Variants in DAB2IP observed in about 807,000 individuals in gnomAD.
The protein encoded by DAB2IP is disabled homolog 2-interacting protein.
Under a neutral mutation model 107.2 loss-of-function variants are expected in DAB2IP, and 28 were observed. The ratio of observed to expected loss-of-function variants is 0.26; its 90% CI spans 0.19 to 0.36. DAB2IP has a LOEUF of 0.36. Ranked by LOEUF, DAB2IP falls within the 10% of genes least tolerant of loss-of-function variation. The pLI is 1.00. For synonymous variants in DAB2IP, 755 were observed against 706.4 expected, an observed-to-expected ratio of 1.07 and a Z score of -1.09; for missense variants, 1,400 against 1,644.7, an observed-to-expected ratio of 0.85 and a Z score of 2.57.
At chr9:121,654,830 C>G (rs1832909137) in intron 1 of DAB2IP, among the ~76,000 whole-genome samples, 1 of 152,224 alleles carries the variant, frequency 6.6e-6, no homozygotes, top group Non-Finnish European at 1.5e-5. Flanking sequence ...CTCTTGCCCC[C>G]ACACCCTTTC....
chr9:121,707,336 GC>G (rs1330058688), intron 3 of DAB2IP, among the ~76,000 whole-genome samples: 1 of 152,230 alleles, frequency 6.6e-6, no homozygotes, highest in South Asian at 2.1e-4. Flanking sequence ...CCCTTCTGCC[GC>G]CCCCCTCAGT....
At chr9:121,576,452 C>T (rs1830059262) in intron 1 of DAB2IP, among the ~76,000 whole-genome samples, 1 of 151,356 alleles carries the variant, frequency 6.6e-6, no homozygotes. Context: ...GTCAATCCTG[C>T]CCATCCTGAA....
intron 1 of DAB2IP, among the ~76,000 whole-genome samples, chr9:121,671,168 AC>A (rs1384386502): frequency 6.6e-6 from 1 of 151,608 alleles, no homozygotes; most frequent in Non-Finnish European, 1.5e-5. Context: ...AAAAAACAAA[AC>A]AAAACAAAGA....
intron 1 of DAB2IP, among the ~76,000 whole-genome samples, chr9:121,576,876 G>A (rs540540240): frequency 7.9e-5 from 12 of 152,244 alleles, no homozygotes; most frequent in African/African-American, 2.9e-4. Flanking sequence ...GATTCCAGAA[G>A]GGAGGGAGGG....
intron 3 of DAB2IP, among the ~76,000 whole-genome samples, chr9:121,722,871 A>G (rs530529145): frequency 1.3e-5 from 2 of 152,184 alleles, no homozygotes; most frequent in South Asian, 4.1e-4. Context: ...ACTATAAAGC[A>G]AAAAGTAACA....
rs553697093 is a variant in DAB2IP, at chr9:121,634,200, A to G, written c.41-44478A>G. On this transcript the variant is annotated intron_variant, in intron 1 of 16. Coordinates refer to the DAB2IP transcript ENST00000259371. The surrounding 1 kb of genome is among the most constrained non-coding windows in gnomAD (Gnocchi z 4.7). ...TGCCAACTCCTAGGAAGGGTCCCCT[A>G]TGCACCCCGGGGTAGGAGCTGAATG... is the stretch of plus-strand genomic sequence containing the variant. Among the ~76,000 whole-genome samples, 33 of 152,158 alleles carry G rather than the reference A, an allele frequency of 2.2e-4. No homozygotes were observed. The South Asian group carries it at 3.3e-3, about 15-fold the overall frequency.
In DAB2IP at chr9:121,715,331, C is replaced by T. The variant is rs1009717912; in HGVS notation, c.362+15873C>T. 4.0e-5 allele frequency among the ~76,000 whole-genome samples: 6 copies of T among 150,664 alleles called. No individual in the cohort carries two copies. In the East Asian group the frequency reaches 1.2e-3, roughly 29 times the overall value. On this transcript the variant is annotated intron_variant, in intron 3 of 15. Transcript: ENST00000408936. ...ATGACAGCGTGACTTGGGTAGTTTTCTTTTTCTTTTTCTTTCTTTCTTTTT... is the reference window on the plus strand; with the variant it reads ...ATGACAGCGTGACTTGGGTAGTTTTTTTTTTCTTTTTCTTTCTTTCTTTTT...
At chr9:121,762,906 G>C (rs1284983521) in intron 6 of DAB2IP, among the ~76,000 whole-genome samples, 1 of 152,190 alleles carries the variant, frequency 6.6e-6, no homozygotes, top group Non-Finnish European at 1.5e-5. Flanking sequence ...ACCCTGGATT[G>C]CCAGGTGGGC....
chr9:121,689,107 A>G (rs192031995), intron 2 of DAB2IP, among the ~76,000 whole-genome samples: 7 of 152,314 alleles, frequency 4.6e-5, no homozygotes, highest in Admixed American at 2.6e-4. Flanking sequence ...AGCATGGTCA[A>G]CATGGTGAAA....
chr9:121,616,740 G>GCCCTGGCCCGA (rs1375642578), intron 1 of DAB2IP, among the ~76,000 whole-genome samples: 2 of 152,218 alleles, frequency 1.3e-5, no homozygotes, highest in Admixed American at 6.5e-5. Context: ...CTGAGTACCG[G>GCCCTGGCCCGA]CCCTGGCCCG....
chr9:121,690,857 G>A (rs1490100893), intron 2 of DAB2IP, among the ~76,000 whole-genome samples: 1 of 152,136 alleles, frequency 6.6e-6, no homozygotes, highest in Non-Finnish European at 1.5e-5. Context: ...GAGGCTGGAG[G>A]GACCTGTGAT....
intron 1 of DAB2IP, among the ~76,000 whole-genome samples, chr9:121,660,995 G>C (rs965879961): frequency 6.6e-6 from 1 of 152,128 alleles, no homozygotes; most frequent in Non-Finnish European, 1.5e-5. Context: ...CGTCCTTACA[G>C]CGAGAGGAGT....
chr9:121,776,835 T>G lies in DAB2IP; in HGVS notation c.3314+444T>G, dbSNP rs563740281. On this transcript the variant is annotated intron_variant, in intron 14 of 15. Transcript: ENST00000408936. The surrounding 1 kb of genome is among the most constrained non-coding windows in gnomAD (Gnocchi z 5.4). ...GTAGCCCCCAGATTCCTACCAAGAG[T>G]GTCTGGGTGTGGGCGTATCAGGGTA... 2.1e-4 allele frequency among the ~76,000 whole-genome samples: 32 copies of G among 151,360 alleles called. No individual in the cohort carries two copies. The highest frequency in any genetic ancestry group is 5.9e-4 in the Admixed American group (9 of 15,246).
intron 1 of DAB2IP, among the ~76,000 whole-genome samples, chr9:121,671,756 C>T (rs1201287810): frequency 6.6e-6 from 1 of 152,106 alleles, no homozygotes; most frequent in African/African-American, 2.4e-5. Context: ...CTTTGTAGTG[C>T]CATTGTGTTC....
chr9:121,624,679 C>G (rs907916943), intron 1 of DAB2IP, among the ~76,000 whole-genome samples: 1 of 152,222 alleles, frequency 6.6e-6, no homozygotes, highest in Non-Finnish European at 1.5e-5. Flanking sequence ...TACCCACCAT[C>G]TAGCCTAGGC....
At chr9:121,723,009 G>A (rs969004122) in intron 3 of DAB2IP, among the ~76,000 whole-genome samples, 1 of 152,172 alleles carries the variant, frequency 6.6e-6, no homozygotes, top group African/African-American at 2.4e-5. Flanking sequence ...ACGTCCCTGT[G>A]CCTGGAACAG....
exon 16 of DAB2IP, chr9:121,783,565 C>T (rs1236158574): frequency 8.1e-6 from 13 of 1,613,960 alleles, no homozygotes; most frequent in South Asian, 3.3e-5. Context: ...CCCGCTTGCT[C>T]GCTTGCTGGA....
chr9:121,621,823 T>TTC (rs1469272841), intron 1 of DAB2IP, among the ~76,000 whole-genome samples: 2 of 149,748 alleles, frequency 1.3e-5, no homozygotes, highest in Admixed American at 1.3e-4. Context: ...ATTTTTTTTT[T>TTC]TTCGTATTTT....
upstream of DAB2IP, among the ~76,000 whole-genome samples, chr9:121,651,340 C>T (rs1832729314): frequency 6.6e-6 from 1 of 152,204 alleles, no homozygotes; most frequent in South Asian, 2.1e-4. The surrounding 1 kb of genome is among the most constrained non-coding windows in gnomAD (Gnocchi z 5.1). Context: ...CTCCGGAGAG[C>T]GCACAAGCAG....
Sources: allele counts gnomAD v4.1 joint callset (sites outside exome capture counted in the v4.1 genomes callset), GRCh38; gene constraint gnomAD v4.1.1; non-coding constraint Gnocchi (gnomAD v3.1); transcripts MANE v1.5; gene names NCBI Gene and HGNC (gene_info 2026-07-23, HGNC 2026-07-21).